The following GAN variants were observed in gnomAD, a reference collection of about 807,000 sequenced individuals.
GAN encodes gigaxonin, also known as epididymis secretory sperm binding protein.
GAN carries 48 observed loss-of-function variants against 71.3 expected under a neutral mutation model. That is an observed-to-expected ratio of 0.67 (90% CI 0.53 to 0.86). The LOEUF is 0.86. GAN is among the 40% of genes least tolerant of loss of function. The pLI is 0.00. For missense variants in GAN, 928 were observed against 770.1 expected, an observed-to-expected ratio of 1.21 and a Z score of -2.43; for synonymous variants, 386 against 276.8, an observed-to-expected ratio of 1.39 and a Z score of -3.92.
chr16:81,343,772 A>G (rs1055174606), intron 1 of GAN, among the ~76,000 whole-genome samples: 1 of 152,222 alleles, frequency 6.6e-6, no homozygotes, highest in Non-Finnish European at 1.5e-5. Context: ...GGCCAGAGCA[A>G]TCAGGCAAGA....
intron 1 of GAN, among the ~76,000 whole-genome samples, chr16:81,344,374 C>G (rs1012167563): frequency 3.9e-5 from 6 of 152,140 alleles, no homozygotes; most frequent in South Asian, 4.1e-4. Flanking sequence ...AACTTTACTA[C>G]AAGGCTGCAG....
intron 1 of GAN, among the ~76,000 whole-genome samples, chr16:81,342,434 T>A (rs911445319): frequency 3.3e-5 from 5 of 152,202 alleles, no homozygotes; most frequent in South Asian, 4.1e-4. Flanking sequence ...ACAAACTGTC[T>A]CAGACCACAG....
At chr16:81,357,215 C>T (rs944494902) in intron 4 of GAN, among the ~76,000 whole-genome samples, 10 of 152,026 alleles carry the variant, frequency 6.6e-5, no homozygotes, top group South Asian at 4.2e-4. Context: ...ATTAACTCAT[C>T]ATTTAGCATT....
intron 2 of GAN, among the ~76,000 whole-genome samples, chr16:81,352,411 A>G (rs1158367131): frequency 7.9e-5 from 12 of 152,266 alleles, no homozygotes; most frequent in Non-Finnish European, 2.9e-5. Flanking sequence ...CTCAAGAAAA[A>G]TCTTCCGTGT....
chr16:81,358,000 A>G, intron 5 of GAN, 69 bp downstream of exon 5: 1 of 1,301,656 alleles, frequency 7.7e-7, no homozygotes. Context: ...GTTTTACAGA[A>G]TGACTCAGAG....
At chr16:81,319,740 C>G (rs1389135711) in intron 1 of GAN, among the ~76,000 whole-genome samples, 1 of 151,266 alleles carries the variant, frequency 6.6e-6, no homozygotes, top group Non-Finnish European at 1.5e-5. Context: ...GAAGGCAGGT[C>G]TAGTGAGGAT....
At chr16:81,367,753 A>G (rs769037220) in intron 9 of GAN, among the ~76,000 whole-genome samples, 4 of 152,128 alleles carry the variant, frequency 2.6e-5, no homozygotes, top group Admixed American at 6.5e-5. Flanking sequence ...TACTATTCCT[A>G]TTTTCCATAT....
At chr16:81,326,603 G>C (rs148348916) in intron 1 of GAN, among the ~76,000 whole-genome samples, 3 of 152,248 alleles carry the variant, frequency 2.0e-5, no homozygotes, top group Non-Finnish European at 4.4e-5. Flanking sequence ...ACACCAATAC[G>C]TTCTGAGAAA....
intron 1 of GAN, among the ~76,000 whole-genome samples, chr16:81,316,749 A>G (rs116965831): frequency 0.017 from 2,626 of 152,288 alleles, 48 homozygotes; most frequent in South Asian, 0.037. Context: ...CTTGCTTGTT[A>G]TCCTTGTTCG....
At chr16:81,367,457 A>T (rs962171461) in intron 9 of GAN, among the ~76,000 whole-genome samples, 1 of 152,116 alleles carries the variant, frequency 6.6e-6, no homozygotes, top group Admixed American at 6.5e-5. Flanking sequence ...TGAACCCAGG[A>T]GGTGGAGTGT....
intron 2 of GAN, among the ~76,000 whole-genome samples, chr16:81,353,603 T>G (rs1320333162): frequency 6.6e-6 from 1 of 152,188 alleles, no homozygotes; most frequent in East Asian, 1.9e-4. Flanking sequence ...ATACTCCTCA[T>G]GAAGTCTCCC....
chr16:81,356,588 T>A (rs1910492791), intron 3 of GAN, among the ~76,000 whole-genome samples, 197 bp from the exon 4 acceptor site: 1 of 152,186 alleles, frequency 6.6e-6, no homozygotes. Context: ...AAAATTAAAC[T>A]TTTACTTATC....
intron 5 of GAN, among the ~76,000 whole-genome samples, chr16:81,361,230 C>CA (rs961572407): frequency 2.5e-4 from 38 of 151,284 alleles, no homozygotes; most frequent in East Asian, 1.4e-3. Flanking sequence ...CTTTAAAAAA[C>CA]AAAAAAAATC....
chr16:81,331,736 C>T (rs1022464190), intron 1 of GAN, among the ~76,000 whole-genome samples: 2 of 152,074 alleles, frequency 1.3e-5, no homozygotes, highest in African/African-American at 2.4e-5. Context: ...AAGTTGTATA[C>T]AATATAGAGC....
chr16:81,325,736 AG>A (rs1909364190), intron 1 of GAN, among the ~76,000 whole-genome samples: 1 of 152,216 alleles, frequency 6.6e-6, no homozygotes, highest in Non-Finnish European at 1.5e-5. Flanking sequence ...CTAAGAATGA[AG>A]AAAAAAGAAG....
At chr16:81,353,643 A>G (rs796743733) in intron 2 of GAN, among the ~76,000 whole-genome samples, 2 of 152,220 alleles carry the variant, frequency 1.3e-5, no homozygotes, top group South Asian at 2.1e-4. Context: ...TGAAGTGCCC[A>G]TGCTTTGGGG....
chr16:81,347,327 G>C (rs1910151187), intron 1 of GAN, among the ~76,000 whole-genome samples: 1 of 152,160 alleles, frequency 6.6e-6, no homozygotes, highest in African/African-American at 2.4e-5. Flanking sequence ...AATACCCTCT[G>C]TATACTGTCA....
At chr16:81,332,241 G>A (rs535963967) in intron 1 of GAN, among the ~76,000 whole-genome samples, 3 of 152,266 alleles carry the variant, frequency 2.0e-5, no homozygotes, top group South Asian at 4.1e-4. Context: ...AGCAACGGTG[G>A]TGGGTAAACC....
intron 1 of GAN, among the ~76,000 whole-genome samples, chr16:81,339,537 G>A (rs1167233848): frequency 1.3e-5 from 2 of 152,202 alleles, no homozygotes; most frequent in Non-Finnish European, 2.9e-5. Flanking sequence ...TCAGCATACA[G>A]TGATAAAGAG....
Sources: gnomAD v4.1 joint callset for allele counts (sites outside exome capture counted in the v4.1 genomes callset) on GRCh38, gnomAD v4.1.1 for gene constraint, MANE v1.5 for transcripts, NCBI Gene and HGNC (gene_info 2026-07-23, HGNC 2026-07-21) for gene names.